The following IGF2BP2 variants were observed in gnomAD, a reference collection of about 807,000 sequenced individuals.
The protein encoded by IGF2BP2 is insulin like growth factor 2 mRNA binding protein 2.
Under a neutral mutation model 75.8 loss-of-function variants are expected in IGF2BP2, and 17 were observed. The observed-to-expected ratio is 0.22, with a 90% CI of 0.15 to 0.34. The LOEUF (loss-of-function observed/expected upper bound fraction) is 0.34. Ranked by LOEUF, IGF2BP2 falls within the 10% of genes least tolerant of loss-of-function variation. The pLI is 1.00. For synonymous variants in IGF2BP2, 288 were observed against 295.6 expected, an observed-to-expected ratio of 0.97 and a Z score of 0.26; for missense variants, 516 against 772.4, an observed-to-expected ratio of 0.67 and a Z score of 3.93.
At chr3:185,737,803 C>T (rs1368645760) in intron 2 of IGF2BP2, among the ~76,000 whole-genome samples, 4 of 152,180 alleles carry the variant, frequency 2.6e-5, no homozygotes, top group African/African-American at 9.7e-5. Context: ...ATCCCCAGTT[C>T]TTAGACACTC....
intron 6 of IGF2BP2, 35 bp from the exon 7 acceptor site, chr3:185,687,226 G>C: frequency 6.3e-7 from 1 of 1,588,546 alleles, no homozygotes; most frequent in Admixed American, 1.9e-5. Flanking sequence ...TGATTACAAG[G>C]TCATCTGGAT....
At chr3:185,782,165 G>A (rs1203854367) in intron 2 of IGF2BP2, among the ~76,000 whole-genome samples, 5 of 152,096 alleles carry the variant, frequency 3.3e-5, no homozygotes, top group Non-Finnish European at 7.4e-5. Context: ...TGAAGAGATG[G>A]CCCTAGTAGT....
At chr3:185,789,327 C>T (rs924961587) in intron 2 of IGF2BP2, among the ~76,000 whole-genome samples, 9 of 152,152 alleles carry the variant, frequency 5.9e-5, no homozygotes, top group Admixed American at 4.6e-4. Context: ...GAGCCTATCA[C>T]GCACCCCTTA....
chr3:185,755,453 G>A (rs1181173877), intron 2 of IGF2BP2, among the ~76,000 whole-genome samples: 1 of 152,224 alleles, frequency 6.6e-6, no homozygotes, highest in South Asian at 2.1e-4. Context: ...CCAGGGTACT[G>A]CCTAGTGGAG....
chr3:185,721,804 C>T (rs1040746623), intron 2 of IGF2BP2, among the ~76,000 whole-genome samples: 1 of 152,058 alleles, frequency 6.6e-6, no homozygotes, highest in Non-Finnish European at 1.5e-5. Flanking sequence ...GCTAACACGG[C>T]CTGGGTAAAC....
intron 4 of IGF2BP2, among the ~76,000 whole-genome samples, 186 bp from the exon 5 acceptor site, chr3:185,692,948 T>C (rs1314898204): frequency 1.3e-5 from 2 of 152,250 alleles, no homozygotes; most frequent in Non-Finnish European, 2.9e-5. Context: ...ATATAACACG[T>C]TTGTAATCAA....
At chr3:185,785,447 T>C (rs925814162) in intron 2 of IGF2BP2, among the ~76,000 whole-genome samples, 1 of 151,956 alleles carries the variant, frequency 6.6e-6, no homozygotes, top group African/African-American at 2.4e-5. Context: ...TCTGGTCTAA[T>C]AGGCAAGAAG....
rs1314608232 is a variant in IGF2BP2 at position 185,811,855 on chromosome 3, TCTCTCTCTCTCTCTCTCTCTCTCC to T, written c.239+11274_239+11297del. 3.4e-3 allele frequency among the ~76,000 whole-genome samples: 332 copies of T among 97,776 alleles called. 5 individuals are homozygous for T. Among genetic ancestry groups the T allele is most frequent in the African/African-American group, 0.017 (313 of 17,934 alleles). The allele number at this position is 97,776 out of a possible 152,430, so 64.1% of individuals were successfully genotyped here. A position where few individuals can be genotyped will look rare whatever the true frequency, so the allele number is the denominator to read the frequency against. On this transcript the variant is annotated intron_variant, in intron 2 of 15. Coordinates refer to ENST00000382199, the MANE Select transcript of IGF2BP2 (RefSeq NM_006548.6). ...GTCTCTCTCTCTCTCTCTCTCTCTCTCTCTCTCTCTCTCTCTCTCTCTCCCCCTCTCCCTGCCTGGGCATCAGAA... is the reference window on the plus strand; with the variant it reads ...GTCTCTCTCTCTCTCTCTCTCTCTCTCCCTCTCCCTGCCTGGGCATCAGAA...
intron 10 of IGF2BP2, among the ~76,000 whole-genome samples, chr3:185,666,880 CAT>C (rs906372737): frequency 2.0e-5 from 3 of 152,104 alleles, no homozygotes; most frequent in Admixed American, 6.5e-5. Flanking sequence ...GGTAGGCCCA[CAT>C]GTTTTTTGAT....
chr3:185,693,985 G>C (rs1722262586), intron 4 of IGF2BP2, among the ~76,000 whole-genome samples: 1 of 152,196 alleles, frequency 6.6e-6, no homozygotes, highest in African/African-American at 2.4e-5. Flanking sequence ...AAAGGGACCT[G>C]AGACCCCGAA....
intron 13 of IGF2BP2, among the ~76,000 whole-genome samples, chr3:185,651,464 T>TC (rs1714589857): frequency 6.6e-6 from 1 of 152,154 alleles, no homozygotes; most frequent in Admixed American, 6.5e-5. Flanking sequence ...TGCCTCTGCC[T>TC]CCCCAGTAGC....
Position 185,749,302 on chromosome 3 carries a change from C to G in IGF2BP2, c.240-50955G>C, listed in dbSNP as rs577567695. Among the ~76,000 whole-genome samples, 3 of 152,286 alleles carry G rather than the reference C, an allele frequency of 2.0e-5. No homozygotes were observed. The South Asian group carries it at 6.2e-4, about 32-fold the overall frequency. On this transcript the variant is annotated intron_variant, in intron 2 of 15. Transcript: ENST00000382199. ...TGTCTACTAGTTTATTTATCAGGCT[C>G]CTGGCCTTAAAGATAAATGTCTAGA...
chr3:185,811,830 G>GTCTGTCTCTCTCTCTC (rs1739881258), intron 2 of IGF2BP2, among the ~76,000 whole-genome samples: 1 of 120,694 alleles, frequency 8.3e-6, no homozygotes, highest in Non-Finnish European at 1.8e-5. Flanking sequence ...AGAGTAGGGT[G>GTCTGTCTCTCTCTCTC]TCTCTCTCTC....
At chr3:185,721,200 T>TTTA (rs555532894) in intron 2 of IGF2BP2, among the ~76,000 whole-genome samples, 88 of 152,118 alleles carry the variant, frequency 5.8e-4, no homozygotes, top group Non-Finnish European at 9.7e-4. Context: ...TTTGTTTTTG[T>TTTA]TTATTATTAT....
intron 2 of IGF2BP2, among the ~76,000 whole-genome samples, chr3:185,726,100 G>A (rs1188009653): frequency 6.6e-6 from 1 of 152,208 alleles, no homozygotes; most frequent in Non-Finnish European, 1.5e-5. Flanking sequence ...ACCAGGGTTA[G>A]CCAGTCACAG....
intron 10 of IGF2BP2, among the ~76,000 whole-genome samples, chr3:185,669,955 A>G (rs1356879301): frequency 6.6e-6 from 1 of 152,176 alleles, no homozygotes; most frequent in African/African-American, 2.4e-5. Context: ...GGTCCTGCAC[A>G]GGTGGGCAGT....
At chr3:185,693,603 G>A (rs1385908437) in intron 4 of IGF2BP2, among the ~76,000 whole-genome samples, 3 of 152,126 alleles carry the variant, frequency 2.0e-5, no homozygotes, top group Admixed American at 2.0e-4. Flanking sequence ...TCTTGTCTTA[G>A]ATCATAATTT....
At chr3:185,787,732 CAA>C (rs5855073) in intron 2 of IGF2BP2, among the ~76,000 whole-genome samples, 8 of 141,950 alleles carry the variant, frequency 5.6e-5, no homozygotes, top group East Asian at 2.1e-4. Flanking sequence ...GACTCTGTCT[CAA>C]AAAAAAAAAA....
In IGF2BP2 at chr3:185,645,992, G is replaced by A. The variant is rs1373930849; in HGVS notation, c.1708-369C>T. Among the ~76,000 whole-genome samples, 1 of 152,052 alleles carries A rather than the reference G, an allele frequency of 6.6e-6. No homozygotes were observed. Among genetic ancestry groups the A allele is most frequent in the Non-Finnish European group, 1.5e-5 (1 of 67,988 alleles). ...CCCCCGTTCTACAGCGGCTAGGAGG[G>A]CATGAGTGTGAGGGACAGGGGAGGG... On this transcript the variant is annotated intron_variant, in intron 15 of 15. Transcript: ENST00000382199. The surrounding 1 kb of genome is among the most constrained non-coding windows in gnomAD (Gnocchi z 4.9).
Sources: gnomAD v4.1 joint callset for allele counts (sites outside exome capture counted in the v4.1 genomes callset) on GRCh38, gnomAD v4.1.1 for gene constraint, Gnocchi (gnomAD v3.1) non-coding constraint, MANE v1.5 for transcripts, NCBI Gene and HGNC (gene_info 2026-07-23, HGNC 2026-07-21) for gene names.